COPS3: variants seen among roughly 807,000 people sequenced by gnomAD.
COPS3 encodes COP9 signalosome subunit 3.
A neutral mutation model predicts 58.2 loss-of-function variants in COPS3; 10 were observed. That is an observed-to-expected ratio of 0.17 (90% confidence interval 0.11 to 0.29). The LOEUF is 0.29. Among genes scored for constraint, COPS3 ranks in the 10% least tolerant of loss-of-function variants. The probability of loss-of-function intolerance (pLI) is 1.00; values close to 1 mark genes in which losing one functional copy is unlikely to be tolerated. For synonymous variants in COPS3, 187 were observed against 181.7 expected (o/e 1.03, Z -0.24); for missense variants, 333 against 510.1 (o/e 0.65, Z 3.34).
chr17:17,266,069 ATTTT>A (rs1442416558), intron 5 of COPS3, among the ~76,000 whole-genome samples: 2 of 152,216 alleles, frequency 1.3e-5, no homozygotes, highest in African/African-American at 4.8e-5. Context: ...CTCAATCACA[ATTTT>A]TTTAAAACAT....
chr17:17,263,509 TC>T (rs1330963602), intron 6 of COPS3, among the ~76,000 whole-genome samples: 53 of 113,254 alleles, frequency 4.7e-4, no homozygotes, highest in East Asian at 1.8e-3. Context: ...TCTTGCCTTT[TC>T]TTTTTTTTTT....
chr17:17,271,118 G>A (rs1228505100), intron 2 of COPS3, 110 bp from the exon 3 acceptor site: 2 of 789,620 alleles, frequency 2.5e-6, no homozygotes, highest in Non-Finnish European at 2.1e-6. Flanking sequence ...AAAATTAAAT[G>A]AGCAACAGTA....
intron 8 of COPS3, among the ~76,000 whole-genome samples, chr17:17,255,716 T>A (rs919504428): frequency 1.3e-5 from 2 of 151,650 alleles, no homozygotes; most frequent in East Asian, 3.9e-4. Flanking sequence ...GGCAGGCACC[T>A]GTAATCCCAG....
At position 17,247,003 on chromosome 17, in the gene COPS3, G is replaced by A. The variant is rs906004284; in HGVS notation, c.*95C>T. On this transcript the variant is annotated 3_prime_UTR_variant, in exon 12 of 12. Coordinates refer to ENST00000268717, the MANE Select transcript of COPS3 (RefSeq NM_003653.4). Reference sequence around the variant, plus strand: ...ACAAAACTTAATTTCTTAGTCTCCAGGTGACACAGGCTTGGTCCTCTCTGC... The same window carrying A: ...ACAAAACTTAATTTCTTAGTCTCCAAGTGACACAGGCTTGGTCCTCTCTGC... The A allele has an allele frequency of 1.8e-5, 19 of 1,079,846 alleles. No homozygotes were observed. In the African/African-American group the frequency reaches 2.6e-4, roughly 15 times the overall value. 66.9% of individuals were successfully genotyped at this position (1,079,846 alleles called of 1,614,324 possible).
intron 2 of COPS3, 38 bp from the exon 3 acceptor site, chr17:17,271,046 T>C: frequency 2.9e-6 from 4 of 1,391,940 alleles, no homozygotes; most frequent in Non-Finnish European, 4.1e-6. Context: ...ACCCTGATAG[T>C]TCATGGGATA....
At chr17:17,274,715 G>A (rs1567862810) in intron 2 of COPS3, among the ~76,000 whole-genome samples, 1 of 150,608 alleles carries the variant, frequency 6.6e-6, no homozygotes. Flanking sequence ...AAGCCACTGT[G>A]TCTGGCCTAA....
chr17:17,252,207 C>CG (rs1314763667), intron 9 of COPS3, among the ~76,000 whole-genome samples: 1 of 152,162 alleles, frequency 6.6e-6, no homozygotes, highest in African/African-American at 2.4e-5. Flanking sequence ...ATGTGTTTAG[C>CG]CGTACACTTA....
At position 17,246,889 on chromosome 17, in the gene COPS3, C is replaced by T. The variant is rs757758446; in HGVS notation, c.*209G>A. On this transcript the variant is annotated 3_prime_UTR_variant, in exon 12 of 12. Coordinates refer to ENST00000268717, the MANE Select transcript of COPS3 (RefSeq NM_003653.4). ...AACAATAATCTGAGGATAAATAAAT[C>T]CACGACAGACTTTAAAGTTTGCAAA... 2.1e-5 allele frequency: 12 copies of T among 575,562 alleles called. No homozygotes were observed. The Admixed American group carries it at 2.7e-4, about 13-fold the overall frequency. 35.7% of individuals were successfully genotyped at this position (575,562 alleles called of 1,614,324 possible).
At chr17:17,255,350 C>T (rs951177453) in intron 8 of COPS3, among the ~76,000 whole-genome samples, 1 of 151,214 alleles carries the variant, frequency 6.6e-6, no homozygotes, top group Non-Finnish European at 1.5e-5. Context: ...TGGTGGCATG[C>T]GTCTGTAGTC....
chr17:17,263,251 G>A (rs1443859576), intron 6 of COPS3, among the ~76,000 whole-genome samples: 3 of 146,932 alleles, frequency 2.0e-5, no homozygotes, highest in East Asian at 4.6e-4. Flanking sequence ...TCGTGCCACT[G>A]CACTCCAGCC....
At chr17:17,249,133 G>A (rs2047785327) in intron 9 of COPS3, 94 bp from the exon 10 acceptor site, 9 of 674,092 alleles carry the variant, frequency 1.3e-5, no homozygotes, top group Admixed American at 2.7e-5. Context: ...AGCATGGAAG[G>A]CAACATGGAT....
intron 1 of COPS3, among the ~76,000 whole-genome samples, chr17:17,280,197 AGATC>A (rs1413624105): frequency 1.3e-5 from 2 of 152,176 alleles, no homozygotes; most frequent in Non-Finnish European, 2.9e-5. Context: ...GGATCACCTG[AGATC>A]AAGGTTCGAG....
intron 10 of COPS3, 32 bp downstream of exon 10, chr17:17,248,894 T>C: frequency 1.5e-6 from 2 of 1,342,956 alleles, no homozygotes; most frequent in Non-Finnish European, 2.1e-6. Flanking sequence ...AACCATCAAT[T>C]AAAAAAATAA....
chr17:17,248,641 C>G (rs2047774512), intron 10 of COPS3, among the ~76,000 whole-genome samples: 1 of 152,174 alleles, frequency 6.6e-6, no homozygotes, highest in South Asian at 2.1e-4. Context: ...GCAGCCCATT[C>G]TGGGTTTCTT....
chr17:17,255,421 G>A (rs1365762109), intron 8 of COPS3, among the ~76,000 whole-genome samples: 1 of 151,208 alleles, frequency 6.6e-6, no homozygotes, highest in Non-Finnish European at 1.5e-5. Flanking sequence ...AGGAGGTGGA[G>A]GTTGCAGTGA....
At chr17:17,264,725 C>CT in intron 6 of COPS3, 77 bp downstream of exon 6, 1 of 1,300,144 alleles carries the variant, frequency 7.7e-7, no homozygotes, top group African/African-American at 1.5e-5. Context: ...TCAGACCACT[C>CT]TAGCCACAAA....
rs2048580781 is a variant in COPS3, at chr17:17,281,244, T to C, written c.-58A>G. The C allele has an allele frequency of 3.2e-6, 5 of 1,567,558 alleles. No individual in the cohort carries two copies. The East Asian group carries it at 1.1e-4, about 36-fold the overall frequency. On this transcript the variant is annotated 5_prime_UTR_variant, in exon 1 of 12. Transcript: ENST00000268717. Reference sequence around the variant, plus strand: ...AGCACGCGCGGGAAAAGGCTGCCGCTCTGGGAGGAGGGGCCGCGGCGATCC... The same window carrying C: ...AGCACGCGCGGGAAAAGGCTGCCGCCCTGGGAGGAGGGGCCGCGGCGATCC...
chr17:17,276,883 C>T (rs1035569274), intron 1 of COPS3, among the ~76,000 whole-genome samples: 20 of 152,126 alleles, frequency 1.3e-4, no homozygotes, highest in African/African-American at 4.3e-4. Context: ...CTCCAACCCG[C>T]ACTCCATATT....
chr17:17,280,725 G>A (rs1333421668), intron 1 of COPS3: 4 of 1,252,626 alleles, frequency 3.2e-6, no homozygotes, highest in Non-Finnish European at 3.1e-6. Context: ...CGGCGGCCTA[G>A]TCAGCAAGCT....
Sources: gnomAD v4.1 joint callset for allele counts (sites outside exome capture counted in the v4.1 genomes callset) on GRCh38, gnomAD v4.1.1 for gene constraint, MANE v1.5 for transcripts, NCBI Gene and HGNC (gene_info 2026-07-23, HGNC 2026-07-21) for gene names.